The following ARHGEF3 variants were observed in gnomAD, a reference collection of about 807,000 sequenced individuals.
ARHGEF3 encodes 59.8 kDA protein.
A neutral mutation model predicts 63.2 loss-of-function variants in ARHGEF3; 28 were observed. That is an observed-to-expected ratio of 0.44 (90% CI 0.33 to 0.61). The LOEUF (loss-of-function observed/expected upper bound fraction) is 0.61, where lower values mean the gene tolerates loss of function less well. Among genes scored for constraint, ARHGEF3 ranks in the 20% least tolerant of loss-of-function variants. The pLI is 0.03. For synonymous variants in ARHGEF3, 266 were observed against 254.2 expected (o/e 1.05, Z -0.44); for missense variants, 533 against 659.3 (o/e 0.81, Z 2.10).
chr3:57,074,059 T>C, intron 1 of ARHGEF3: 3 of 1,614,196 alleles, frequency 1.9e-6, no homozygotes, highest in South Asian at 1.1e-5. Context: ...GAGCAAGTTA[T>C]TCATAACTCT....
chr3:56,967,525 T>C (rs1364972439), intron 2 of ARHGEF3, among the ~76,000 whole-genome samples: 2 of 92,108 alleles, frequency 2.2e-5, no homozygotes, highest in East Asian at 3.1e-4. Context: ...TAATATATTA[T>C]ATGTATAATA....
chr3:56,804,068 G>A (rs1325698374), upstream of ARHGEF3, among the ~76,000 whole-genome samples: 2 of 151,720 alleles, frequency 1.3e-5, no homozygotes, highest in Non-Finnish European at 2.9e-5. Context: ...TATTTTTGTA[G>A]AGACAGGGTT....
intron 2 of ARHGEF3, among the ~76,000 whole-genome samples, chr3:57,000,825 G>A (rs888862717): frequency 2.0e-5 from 3 of 152,186 alleles, no homozygotes; most frequent in African/African-American, 7.2e-5. Flanking sequence ...GAGCCACCAT[G>A]CCCAGCCACT....
chr3:56,744,787 T>TG (rs1028933520), intron 7 of ARHGEF3, among the ~76,000 whole-genome samples: 1 of 152,104 alleles, frequency 6.6e-6, no homozygotes, highest in African/African-American at 2.4e-5. Flanking sequence ...AATCGGGGGC[T>TG]AAATGGAGCT....
At chr3:57,067,843 A>T (rs1455246465) in intron 1 of ARHGEF3, among the ~76,000 whole-genome samples, 7 of 151,622 alleles carry the variant, frequency 4.6e-5, no homozygotes. Context: ...CAAAAAAATT[A>T]GCCAGGCAAA....
chr3:56,745,307 G>A lies in ARHGEF3; in HGVS notation c.768C>T (p.Leu256=), dbSNP rs756025558. ...TTACCAGGCGGCTTCTTGGAATATCGAGGAAATTCCAGAGATCTAGTTTGC... is the reference window on the plus strand; with the variant it reads ...TTACCAGGCGGCTTCTTGGAATATCAAGGAAATTCCAGAGATCTAGTTTGC... ...FSRKLDLWNF[L]DIPRSRLVKY... Residue 256 remains leucine, a synonymous_variant, in exon 7 of 10, where the codon CTC becomes CTT. Coordinates refer to ENST00000296315, the MANE Select transcript of ARHGEF3 (RefSeq NM_019555.3). The A allele has an allele frequency of 3.7e-6, 6 of 1,613,980 alleles. No homozygotes were observed. Among genetic ancestry groups the A allele is most frequent in the Non-Finnish European group, 4.2e-6 (5 of 1,180,010 alleles).
intron 4 of ARHGEF3, among the ~76,000 whole-genome samples, chr3:56,855,750 A>C (rs1301936428): frequency 6.6e-6 from 1 of 151,886 alleles, no homozygotes; most frequent in Non-Finnish European, 1.5e-5. Context: ...CCTGTAAATG[A>C]CTGCTACATA....
chr3:57,065,554 T>C (rs1436118635), intron 1 of ARHGEF3, among the ~76,000 whole-genome samples: 6 of 152,208 alleles, frequency 3.9e-5, no homozygotes, highest in Non-Finnish European at 5.9e-5. Context: ...CACTACCGTA[T>C]GCATGTGCTA....
rs1168451887 is a variant in ARHGEF3, at chr3:57,014,343, T to C, written c.62+20745A>G. Among the ~76,000 whole-genome samples the C allele has an allele frequency of 5.9e-5, 9 of 152,316 alleles. No homozygotes were observed. In the East Asian group the frequency reaches 1.2e-3, roughly 20 times the overall value. On this transcript the variant is annotated intron_variant, in intron 2 of 12. Transcript: ENST00000338458. The stretch of plus-strand genomic sequence containing the variant: ...AACACACCGATTCTGGACACAATAG[T>C]GCACAGCCTTAACCACTACAGCACC...
chr3:56,759,693 C>G (rs904758428), intron 2 of ARHGEF3, among the ~76,000 whole-genome samples: 1 of 152,014 alleles, frequency 6.6e-6, no homozygotes, highest in Non-Finnish European at 1.5e-5. Context: ...CACCGCTAAG[C>G]AAGTGCCTGG....
chr3:56,785,974 T>C (rs1346424107), intron 1 of ARHGEF3, among the ~76,000 whole-genome samples: 1 of 152,212 alleles, frequency 6.6e-6, no homozygotes, highest in Non-Finnish European at 1.5e-5. Context: ...TGCAGAGATG[T>C]GACCTCCAGA....
At chr3:57,017,330 C>G (rs2107144938) in intron 2 of ARHGEF3, among the ~76,000 whole-genome samples, 1 of 152,210 alleles carries the variant, frequency 6.6e-6, no homozygotes, top group Non-Finnish European at 1.5e-5. Context: ...ATGTAAATGG[C>G]TGTTACTGTA....
At chr3:56,854,112 G>A (rs760619589) in intron 4 of ARHGEF3, among the ~76,000 whole-genome samples, 1 of 152,058 alleles carries the variant, frequency 6.6e-6, no homozygotes, top group Non-Finnish European at 1.5e-5. Flanking sequence ...GGAGAATGGT[G>A]TGAACCCGAG....
intron 4 of ARHGEF3, among the ~76,000 whole-genome samples, chr3:56,816,961 G>A (rs1291218792): frequency 1.3e-5 from 2 of 152,188 alleles, no homozygotes; most frequent in South Asian, 2.1e-4. Flanking sequence ...GTCCTGTGAC[G>A]TTTTTGCTCA....
At chr3:56,733,205 C>T (rs2033317538) in intron 8 of ARHGEF3, among the ~76,000 whole-genome samples, 1 of 151,250 alleles carries the variant, frequency 6.6e-6, no homozygotes. Flanking sequence ...ATGACATGAA[C>T]CCAGGAAGTG....
At chr3:56,990,435 T>G (rs1234709248) in intron 2 of ARHGEF3, among the ~76,000 whole-genome samples, 2 of 152,062 alleles carry the variant, frequency 1.3e-5, no homozygotes, top group African/African-American at 4.8e-5. Context: ...AATACAAAAA[T>G]TACTTGGGCG....
chr3:56,948,572 A>C (rs1345449203), intron 3 of ARHGEF3, among the ~76,000 whole-genome samples: 2 of 152,216 alleles, frequency 1.3e-5, no homozygotes, highest in Non-Finnish European at 2.9e-5. Flanking sequence ...TCCCAAGACT[A>C]AACCAGGAAG....
At chr3:57,068,833 C>T (rs1404072102) in intron 1 of ARHGEF3, among the ~76,000 whole-genome samples, 2 of 151,980 alleles carry the variant, frequency 1.3e-5, no homozygotes, top group Admixed American at 6.5e-5. Flanking sequence ...GCACACACCC[C>T]CCTCACTAAA....
intron 2 of ARHGEF3, among the ~76,000 whole-genome samples, chr3:56,995,898 A>G (rs916610238): frequency 2.6e-5 from 4 of 152,158 alleles, no homozygotes; most frequent in African/African-American, 9.7e-5. Context: ...GGCTACCAGG[A>G]CCGGATAACA....
Sources: gnomAD v4.1 joint callset for allele counts (sites outside exome capture counted in the v4.1 genomes callset) on GRCh38, gnomAD v4.1.1 for gene constraint, MANE v1.5 for transcripts, NCBI Gene and HGNC (gene_info 2026-07-23, HGNC 2026-07-21) for gene names.